The following KDM3A variants were observed in gnomAD, a reference collection of about 807,000 sequenced individuals.
KDM3A encodes the protein lysine demethylase 3A, also known as lysine-specific demethylase 3A.
KDM3A carries 60 observed loss-of-function variants against 158.0 expected under a neutral mutation model. That is an observed-to-expected ratio of 0.38 (90% confidence interval 0.31 to 0.47). The LOEUF is 0.47. Ranked by LOEUF, KDM3A falls within the 20% of genes least tolerant of loss-of-function variation. KDM3A has a pLI of 0.99. For synonymous variants in KDM3A, 608 were observed against 549.3 expected, an observed-to-expected ratio of 1.11 and a Z score of -1.49; for missense variants, 1,319 against 1,574.3, an observed-to-expected ratio of 0.84 and a Z score of 2.74.
chr2:86,468,431 C>G (rs548226674), intron 10 of KDM3A, among the ~76,000 whole-genome samples: 9 of 152,286 alleles, frequency 5.9e-5, no homozygotes, highest in Non-Finnish European at 1.3e-4. Context: ...TGTGACGAAA[C>G]AGTAAAGATT....
Position 86,482,591 on chromosome 2 carries a change from A to G in KDM3A, c.2819A>G (p.Asp940Gly). The change falls in exon 18 of 26, where the codon GAC (aspartate) becomes GGC (glycine). Residue 940 changes from aspartate to glycine, a missense_variant. Coordinates refer to ENST00000312912, the MANE Select transcript of KDM3A (RefSeq NM_018433.6). ...ATCAAGCCCAGCATTCTGGGCTTTG[A>G]CACTCCTCACTATTGGCTTTGTGAT... The part of the protein sequence containing the change: ...LTIKPSILGF[D>G]TPHYWLCDNR... 6.2e-7 allele frequency: 1 copy of G among 1,613,974 alleles called. No homozygotes were observed. The highest frequency in any genetic ancestry group is 2.2e-5 in the East Asian group (1 of 44,880).
At position 86,484,185 on chromosome 2, in the gene KDM3A, G is replaced by T. The variant is rs754806639; in HGVS notation, c.3094+27G>T. The T allele has an allele frequency of 3.8e-6, 6 of 1,593,186 alleles. No homozygotes were observed. The African/African-American group carries it at 4.0e-5, about 11-fold the overall frequency. ...TATGTATGAAAGATCTTTTAAGGGG[G>T]TTGGGGATGTGAAAGGAGGGGACAC... On this transcript the variant is annotated intron_variant, in intron 19 of 25. Coordinates refer to ENST00000312912, the MANE Select transcript of KDM3A (RefSeq NM_018433.6).
At chr2:86,452,195 CTTT>C (rs35158232) in intron 4 of KDM3A, among the ~76,000 whole-genome samples, 3 of 138,658 alleles carry the variant, frequency 2.2e-5, no homozygotes, top group Non-Finnish European at 1.5e-5. Flanking sequence ...CATTTTTGTG[CTTT>C]TTTTTTTTTT....
At chr2:86,491,106 G>T (rs1175001312) in intron 24 of KDM3A, 35 bp from the exon 25 acceptor site, 4 of 1,612,930 alleles carry the variant, frequency 2.5e-6, no homozygotes, top group Admixed American at 1.7e-5. Context: ...TGAACTTTTG[G>T]GTTTGTTACT....
At chr2:86,472,465 A>G (rs918239474) in intron 11 of KDM3A, among the ~76,000 whole-genome samples, 3 of 152,160 alleles carry the variant, frequency 2.0e-5, no homozygotes, top group African/African-American at 7.2e-5. Flanking sequence ...TCTCAGTGGT[A>G]AGGCTCAGCT....
rs757148088 is a variant in KDM3A at position 86,442,243 on chromosome 2, G to T, written c.186+10G>T. 2 of 1,588,762 alleles carry T rather than the reference G, an allele frequency of 1.3e-6. No homozygotes were observed. The highest frequency in any genetic ancestry group is 4.6e-5 in the East Asian group (2 of 43,194). ...CAAGAAGGATCTGAAGGTACAGGCG[G>T]CTCCGGGCCTCTGCCACCGGACGTT... On this transcript the variant is annotated intron_variant, in intron 2 of 25. Coordinates refer to ENST00000312912, the MANE Select transcript of KDM3A (RefSeq NM_018433.6).
chr2:86,448,991 C>T (rs1394944829), intron 2 of KDM3A, among the ~76,000 whole-genome samples: 1 of 152,112 alleles, frequency 6.6e-6, no homozygotes, highest in East Asian at 1.9e-4. Flanking sequence ...AATTCCTACT[C>T]ATAGATCACT....
At position 86,478,091 on chromosome 2, in the gene KDM3A, A is replaced by C. The variant is rs766774441; in HGVS notation, c.2092+62A>C. The C allele has an allele frequency of 2.5e-6, 4 of 1,610,742 alleles. No individual in the cohort carries two copies. In the Admixed American group the frequency reaches 6.7e-5, roughly 27 times the overall value. On this transcript the variant is annotated intron_variant, in intron 13 of 25. Transcript: ENST00000312912. ...ACAGTTAAATCAAGTGTTTTTGTTG[A>C]TTTGTGTTTGGCGGGTTTCTTGAAG...
At chr2:86,441,885 G>A (rs1408380962) in intron 1 of KDM3A, 133 bp from the exon 2 acceptor site, 1 of 457,302 alleles carries the variant, frequency 2.2e-6, no homozygotes, top group Admixed American at 4.9e-5. Flanking sequence ...CGCAGGAGGG[G>A]GGCTCGGTGC....
chr2:86,479,851 G>A, intron 15 of KDM3A: 1 of 256,340 alleles, frequency 3.9e-6, no homozygotes, highest in Non-Finnish European at 7.4e-6. Context: ...GAGTTCATAG[G>A]GGAGACAGGC....
intron 8 of KDM3A, among the ~76,000 whole-genome samples, chr2:86,458,486 A>G (rs1468347222): frequency 1.3e-5 from 2 of 152,238 alleles, no homozygotes; most frequent in Non-Finnish European, 2.9e-5. Flanking sequence ...CCAAGAAACC[A>G]TAGTTACTGT....
Position 86,456,998 on chromosome 2 carries a change from T to G in KDM3A, c.770T>G (p.Ile257Ser). The G allele has an allele frequency of 6.2e-7, 1 of 1,603,344 alleles. No individual in the cohort carries two copies. The highest frequency in any genetic ancestry group is 8.5e-7 in the Non-Finnish European group (1 of 1,173,680). ...AATATTTTAGGTAATTCTGCAAGAA[T>G]TGGAGCTGTAAAACGCAAGTCTTCT... The part of the protein sequence containing the change: ...NLVTCGNSAR[I>S]GAVKRKSSEN... The change falls in exon 8 of 26, where the codon ATT (isoleucine) becomes AGT (serine). Residue 257 changes from isoleucine (I) to serine (S), a missense_variant. By Grantham distance (142) the Ile-to-Ser change is moderately radical. Transcript: ENST00000312912.
At chr2:86,465,909 T>A (rs1673118721) in intron 9 of KDM3A, among the ~76,000 whole-genome samples, 2 of 149,562 alleles carry the variant, frequency 1.3e-5, no homozygotes, top group African/African-American at 5.0e-5. Context: ...AGAAAGAGTT[T>A]TAGCAGAGGT....
Position 86,482,372 on chromosome 2 carries a change from A to G in KDM3A, c.2686-86A>G, listed in dbSNP as rs957496118. The G allele has an allele frequency of 1.5e-5, 23 of 1,548,124 alleles. No homozygotes were observed. The Admixed American group carries it at 3.5e-4, about 24-fold the overall frequency. On this transcript the variant is annotated intron_variant, in intron 17 of 25. Transcript: ENST00000312912. ...GGTCCTGGCTTGGAATCTTCTGGAT[A>G]TGTAATCTATACTCATTATGGGAAT...
chr2:86,478,132 T>A, intron 13 of KDM3A, 38 bp from the exon 14 acceptor site: 1 of 1,608,582 alleles, frequency 6.2e-7, no homozygotes. Flanking sequence ...GGAGACAGAG[T>A]CTGTAAAGAA....
At chr2:86,441,671 G>T (rs943151225) in intron 1 of KDM3A, among the ~76,000 whole-genome samples, 3 of 150,880 alleles carry the variant, frequency 2.0e-5, no homozygotes, top group Non-Finnish European at 4.4e-5. Flanking sequence ...AGCCGCCCGG[G>T]ACCGGCTCTC....
chr2:86,482,496 T>G lies in KDM3A; in HGVS notation c.2724T>G (p.Asp908Glu), dbSNP rs568572352. ...TCAAGAATACACCAAAAATCCTTGA[T>G]GACATCTTTGCCTCTTTGGTGCAAA... ...NGLKNTPKIL[D>E]DIFASLVQNK... The change falls in exon 18 of 26, where the codon GAT becomes GAG. Residue 908 changes from aspartate (D) to glutamate (E), a missense_variant. By Grantham distance (45) the Asp-to-Glu change is conservative. Around this residue, in one of 4 missense-constraint regions of KDM3A, gnomAD observed 368 missense variants for 415.8 expected, o/e 0.89. Transcript: ENST00000312912. 1.9e-6 allele frequency: 3 copies of G among 1,614,160 alleles called. No homozygotes were observed. The highest frequency in any genetic ancestry group is 2.2e-5 in the South Asian group (2 of 91,084).
chr2:86,444,891 A>G (rs1682892946), intron 2 of KDM3A, among the ~76,000 whole-genome samples: 1 of 152,242 alleles, frequency 6.6e-6, no homozygotes, highest in South Asian at 2.1e-4. Context: ...AGTTGGTTAC[A>G]GAGAAGTTAA....
rs781060279 is a variant in KDM3A, at chr2:86,470,431, C to T, written c.1724+23C>T. On this transcript the variant is annotated intron_variant, in intron 11 of 25. Coordinates refer to ENST00000312912, the MANE Select transcript of KDM3A (RefSeq NM_018433.6). ...GAGGTGAGGCATTTTGGGAAAAGTT[C>T]AGATAATCTGGGCATACTTGTTATG... 5 of 1,600,914 alleles carry T rather than the reference C, an allele frequency of 3.1e-6. No individual in the cohort carries two copies. The African/African-American group carries it at 6.7e-5, about 21-fold the overall frequency.
Sources: allele counts gnomAD v4.1 joint callset (sites outside exome capture counted in the v4.1 genomes callset), GRCh38; gene constraint gnomAD v4.1.1; regional missense constraint gnomAD v4.1.1; transcripts MANE v1.5; gene names NCBI Gene and HGNC (gene_info 2026-07-23, HGNC 2026-07-21).